Variants in PJA2 observed in about 807,000 individuals in gnomAD.
PJA2 encodes E3 ubiquitin-protein ligase Praja-2.
In PJA2, 25 loss-of-function variants were observed where a neutral mutation model predicts 69.3. The observed-to-expected ratio is 0.36, with a 90% confidence interval of 0.26 to 0.50. The LOEUF (loss-of-function observed/expected upper bound fraction) is 0.50, where lower values mean the gene tolerates loss of function less well. Ranked by LOEUF, PJA2 falls within the 20% of genes least tolerant of loss-of-function variation. PJA2 has a pLI of 0.96. For missense variants in PJA2, 809 were observed against 830.2 expected, an observed-to-expected ratio of 0.97 and a Z score of 0.31; for synonymous variants, 308 against 277.8, an observed-to-expected ratio of 1.11 and a Z score of -1.08.
intron 1 of PJA2, among the ~76,000 whole-genome samples, chr5:109,383,901 C>A (rs1203444069): frequency 6.6e-6 from 1 of 152,124 alleles, no homozygotes; most frequent in Non-Finnish European, 1.5e-5. Context: ...CACTCCAGGC[C>A]TGGGTGACAA....
chr5:109,401,449 AC>A (rs1234161542), intron 1 of PJA2, among the ~76,000 whole-genome samples: 1 of 152,106 alleles, frequency 6.6e-6, no homozygotes, highest in African/African-American at 2.4e-5. Context: ...ACAGAGCGAG[AC>A]CTTGTCTCAA....
intron 7 of PJA2, among the ~76,000 whole-genome samples, chr5:109,354,754 A>C (rs912874437): frequency 1.4e-5 from 2 of 147,542 alleles, no homozygotes; most frequent in Non-Finnish European, 3.0e-5. Flanking sequence ...AATATATTAG[A>C]TATATAAATA....
At chr5:109,409,075 C>G (rs1054273189) in intron 1 of PJA2, 3 of 152,120 alleles carry the variant, frequency 2.0e-5, no homozygotes, top group African/African-American at 7.2e-5. Flanking sequence ...TATTTACCAC[C>G]TCCCCTTTGC....
intron 4 of PJA2, among the ~76,000 whole-genome samples, chr5:109,375,989 G>A (rs1016707560): frequency 3.9e-5 from 6 of 152,190 alleles, no homozygotes; most frequent in Middle Eastern, 3.4e-3. Flanking sequence ...CTTTGAGATC[G>A]TAAAACATAT....
chr5:109,409,817 GAA>G (rs57525773), intron 1 of PJA2, 23 bp downstream of exon 1: 65 of 112,508 alleles, frequency 5.8e-4, no homozygotes, highest in South Asian at 3.7e-3. Context: ...AAGCCAGACT[GAA>G]AAAAAAAAAA....
At chr5:109,366,338 G>A (rs2127000471) in intron 5 of PJA2, among the ~76,000 whole-genome samples, 2 of 152,322 alleles carry the variant, frequency 1.3e-5, no homozygotes, top group South Asian at 4.1e-4. Flanking sequence ...TGAAAAATGT[G>A]TGAGCAAAAC....
chr5:109,350,417 C>A (rs1435078104), intron 7 of PJA2, among the ~76,000 whole-genome samples: 1 of 152,054 alleles, frequency 6.6e-6, no homozygotes, highest in Non-Finnish European at 1.5e-5. Context: ...TAGCATAATC[C>A]TTTATCAGCA....
chr5:109,348,516 C>T (rs1314662060), intron 7 of PJA2, among the ~76,000 whole-genome samples: 2 of 152,160 alleles, frequency 1.3e-5, no homozygotes, highest in African/African-American at 4.8e-5. Context: ...AACTTTGAAT[C>T]CCCAAGTCAC....
chr5:109,353,414 G>T (rs1271629132), intron 7 of PJA2, among the ~76,000 whole-genome samples: 2 of 119,466 alleles, frequency 1.7e-5, no homozygotes, highest in East Asian at 2.2e-4. Flanking sequence ...TATATCTATA[G>T]ACATCTATAT....
intron 1 of PJA2, among the ~76,000 whole-genome samples, chr5:109,398,879 A>G (rs950878045): frequency 6.6e-6 from 1 of 152,170 alleles, no homozygotes; most frequent in Non-Finnish European, 1.5e-5. Context: ...ATTTGCTACC[A>G]CTGGGGAAGG....
chr5:109,405,372 A>C (rs1747661248), intron 1 of PJA2, among the ~76,000 whole-genome samples: 1 of 152,232 alleles, frequency 6.6e-6, no homozygotes, highest in Non-Finnish European at 1.5e-5. Flanking sequence ...CATTCGACAC[A>C]AACCAAATTA....
intron 5 of PJA2, among the ~76,000 whole-genome samples, chr5:109,364,058 GCTTGAA>G (rs1762540468): frequency 6.6e-6 from 1 of 152,046 alleles, no homozygotes; most frequent in Non-Finnish European, 1.5e-5. Flanking sequence ...CATGAGAATC[GCTTGAA>G]CTCAGGAGGC....
At chr5:109,371,511 TTTTCTCCG>T (rs1561353746) in intron 4 of PJA2, among the ~76,000 whole-genome samples, 2 of 152,186 alleles carry the variant, frequency 1.3e-5, no homozygotes, top group Non-Finnish European at 2.9e-5. Flanking sequence ...CTTAGCTCCT[TTTTCTCCG>T]TTTCTCCTAA....
chr5:109,347,962 C>T (rs1333264820), intron 7 of PJA2, among the ~76,000 whole-genome samples: 1 of 152,150 alleles, frequency 6.6e-6, no homozygotes. Context: ...GGTCCCGGGA[C>T]ACAGAACTGG....
At chr5:109,398,743 T>C (rs1747473713) in intron 1 of PJA2, among the ~76,000 whole-genome samples, 1 of 151,770 alleles carries the variant, frequency 6.6e-6, no homozygotes, top group African/African-American at 2.4e-5. Flanking sequence ...AACCTGCACA[T>C]TGTGCACATG....
At chr5:109,369,457 A>G (rs1762638877) in intron 4 of PJA2, among the ~76,000 whole-genome samples, 1 of 152,256 alleles carries the variant, frequency 6.6e-6, no homozygotes, top group South Asian at 2.1e-4. Context: ...ATTTCTAAAT[A>G]AATTTTTAAA....
intron 5 of PJA2, among the ~76,000 whole-genome samples, chr5:109,364,204 C>T (rs564584423): frequency 3.9e-5 from 6 of 152,186 alleles, no homozygotes; most frequent in South Asian, 2.1e-4. Context: ...GGTATTCGCC[C>T]GCAGGGAGGG....
chr5:109,407,369 G>A (rs1044796837), intron 1 of PJA2, among the ~76,000 whole-genome samples: 4 of 152,060 alleles, frequency 2.6e-5, no homozygotes, highest in Non-Finnish European at 4.4e-5. Flanking sequence ...AACAACATAA[G>A]CATCTTGGAA....
At chr5:109,359,288 T>G (rs1762473584) in intron 6 of PJA2, among the ~76,000 whole-genome samples, 1 of 152,232 alleles carries the variant, frequency 6.6e-6, no homozygotes, top group African/African-American at 2.4e-5. Context: ...TTACAAGGCT[T>G]CTGGTCAACA....
Sources: gnomAD v4.1 joint callset for allele counts (sites outside exome capture counted in the v4.1 genomes callset) on GRCh38, gnomAD v4.1.1 for gene constraint, MANE v1.5 for transcripts, NCBI Gene and HGNC (gene_info 2026-07-23, HGNC 2026-07-21) for gene names.